ZFHX3: variants seen among roughly 807,000 people sequenced by gnomAD.
The protein encoded by ZFHX3 is zinc finger homeobox protein 3.
ZFHX3 carries 42 observed loss-of-function variants against 279.1 expected under a neutral mutation model. The observed-to-expected ratio is 0.15, with a 90% CI of 0.12 to 0.19. The LOEUF (loss-of-function observed/expected upper bound fraction) is 0.19. ZFHX3 is among the 10% of genes least tolerant of loss of function. ZFHX3 has a pLI of 1.00. For missense variants in ZFHX3, 4,981 were observed against 4,754.0 expected (o/e 1.05, Z -1.40); for synonymous variants, 2,293 against 1,957.8 (o/e 1.17, Z -4.52).
In ZFHX3 at chr16:73,706,651, G is replaced by A. The variant is rs1054650582; in HGVS notation, c.-1607-26411C>T. ...GCCTTCATGCCCCAGAAGATCTGAT[G>A]AACTAAACTTGCTGGTCCCATAACA... On this transcript the variant is annotated intron_variant, in intron 1 of 17. Transcript: ENST00000641206. Among the ~76,000 whole-genome samples the A allele has an allele frequency of 5.3e-5, 8 of 152,148 alleles. No homozygotes were observed. In the East Asian group the frequency reaches 1.2e-3, roughly 22 times the overall value.
chr16:72,819,388 T>C (rs2036713103), intron 5 of ZFHX3, among the ~76,000 whole-genome samples: 1 of 152,172 alleles, frequency 6.6e-6, no homozygotes, highest in Non-Finnish European at 1.5e-5. Context: ...CTCACGCTTG[T>C]CACTGAGATC....
intron 7 of ZFHX3, chr16:72,809,329 C>T (rs150063919): frequency 6.6e-6 from 1 of 152,192 alleles, no homozygotes; most frequent in Non-Finnish European, 1.5e-5. Flanking sequence ...CTCCCCACAT[C>T]TCTTTCTGTT....
intron 3 of ZFHX3, among the ~76,000 whole-genome samples, chr16:72,923,951 ATG>A (rs1959294923): frequency 6.6e-6 from 1 of 152,234 alleles, no homozygotes; most frequent in South Asian, 2.1e-4. Context: ...TACTCATTAC[ATG>A]TCAAAATAAT....
At chr16:73,181,306 G>A (rs1967790885) in intron 5 of ZFHX3, among the ~76,000 whole-genome samples, 1 of 151,760 alleles carries the variant, frequency 6.6e-6, no homozygotes, top group South Asian at 2.1e-4. Context: ...TCTCCATGTT[G>A]GTCTCCATCT....
At chr16:73,489,964 A>C (rs1203594776) in intron 2 of ZFHX3, among the ~76,000 whole-genome samples, 1 of 152,228 alleles carries the variant, frequency 6.6e-6, no homozygotes, top group African/African-American at 2.4e-5. Flanking sequence ...GTCTCCATTC[A>C]TGCTATATAA....
intron 1 of ZFHX3, among the ~76,000 whole-genome samples, chr16:73,721,690 A>C (rs1160934832): frequency 6.6e-6 from 1 of 152,210 alleles, no homozygotes; most frequent in African/African-American, 2.4e-5. Context: ...CCATGAGAAC[A>C]ATATCTCAAC....
At chr16:72,840,099 CAGAG>C (rs1479849303) in intron 4 of ZFHX3, among the ~76,000 whole-genome samples, 2 of 150,404 alleles carry the variant, frequency 1.3e-5, no homozygotes, top group Admixed American at 6.6e-5. Flanking sequence ...CTTGGCTTGT[CAGAG>C]AGAGATCTTA....
At chr16:73,362,594 C>G (rs781671536) in intron 3 of ZFHX3, among the ~76,000 whole-genome samples, 2 of 152,176 alleles carry the variant, frequency 1.3e-5, no homozygotes, top group African/African-American at 4.8e-5. Flanking sequence ...TCAGAACCAC[C>G]GATGAATTCA....
intron 4 of ZFHX3, among the ~76,000 whole-genome samples, chr16:72,832,967 A>G (rs1301043041): frequency 2.0e-5 from 3 of 152,280 alleles, no homozygotes; most frequent in Non-Finnish European, 4.4e-5. Flanking sequence ...CCAGGCTGAC[A>G]GTAACCGGAA....
chr16:73,274,895 C>A (rs186757861), intron 4 of ZFHX3, among the ~76,000 whole-genome samples: 1 of 152,172 alleles, frequency 6.6e-6, no homozygotes, highest in African/African-American at 2.4e-5. Context: ...GTGTATATTT[C>A]GGATAGATAC....
intron 3 of ZFHX3, among the ~76,000 whole-genome samples, chr16:73,336,236 A>G (rs967723984): frequency 9.9e-5 from 15 of 152,126 alleles, no homozygotes; most frequent in Admixed American, 8.5e-4. Context: ...GAATCTTCTT[A>G]TATTTTTAAC....
At chr16:72,832,760 G>C (rs544593528) in intron 4 of ZFHX3, among the ~76,000 whole-genome samples, 1 of 151,558 alleles carries the variant, frequency 6.6e-6, no homozygotes, top group Non-Finnish European at 1.5e-5. Flanking sequence ...GGCGAGGCCC[G>C]GAAGGGCAGC....
chr16:72,787,906 A>G lies in ZFHX3; in HGVS notation c.10370T>C (p.Ile3457Thr), dbSNP rs374911080. 6.2e-7 allele frequency: 1 copy of G among 1,613,958 alleles called. No homozygotes were observed. Among genetic ancestry groups the G allele is most frequent in the South Asian group, 1.1e-5 (1 of 91,070 alleles). The change falls in exon 10 of 10, where the codon ATT becomes ACT. Residue 3457 changes from isoleucine to threonine, a missense_variant. Physicochemically the swap from Ile to Thr is moderately conservative, Grantham distance 89. This residue lies in a region of ZFHX3 where 1,034 missense variants were observed against 786.0 expected (regional missense o/e 1.32). Coordinates refer to ENST00000268489, the MANE Select transcript of ZFHX3 (RefSeq NM_006885.4). The part of the protein sequence containing the change: ...KSADSLYDPF[I>T]VPKVQYKLVC... ...CAACTTGTACTGCACCTTTGGAACA[A>G]TGAAGGGGTCGTAGAGGGAGTCCGC...
In ZFHX3 at chr16:73,159,572, G is replaced by T. The variant is rs931248902; in HGVS notation, c.-1103-15741C>A. On this transcript the variant is annotated intron_variant, in intron 5 of 17. Coordinates refer to the ZFHX3 transcript ENST00000641206. ...GCCTACTCCAGGCCACCAAAGGGAG[G>T]CCATTCTTGTTTATCCATCTCGGTC... Among the ~76,000 whole-genome samples the T allele has an allele frequency of 2.0e-5, 3 of 152,240 alleles. No individual in the cohort carries two copies. The East Asian group carries it at 5.8e-4, about 29-fold the overall frequency.
At chr16:73,177,677 G>A (rs886581568) in intron 5 of ZFHX3, among the ~76,000 whole-genome samples, 7 of 152,214 alleles carry the variant, frequency 4.6e-5, no homozygotes, top group Non-Finnish European at 7.3e-5. Flanking sequence ...TTTTTGGGTA[G>A]TGGACTTGAA....
At chr16:73,022,529 C>T (rs1191813100) in intron 1 of ZFHX3, among the ~76,000 whole-genome samples, 1 of 152,204 alleles carries the variant, frequency 6.6e-6, no homozygotes, top group African/African-American at 2.4e-5. Context: ...CTGGCCTCTA[C>T]ACTGGATGCC....
intron 7 of ZFHX3, 53 bp downstream of exon 7, chr16:72,811,523 CA>C: frequency 1.4e-6 from 2 of 1,465,812 alleles, no homozygotes; most frequent in Non-Finnish European, 1.8e-6. Flanking sequence ...CATGTTACTG[CA>C]TCACCTTTGA....
chr16:73,396,952 C>T (rs899182699), intron 3 of ZFHX3, among the ~76,000 whole-genome samples: 4 of 152,322 alleles, frequency 2.6e-5, no homozygotes, highest in South Asian at 4.1e-4. Flanking sequence ...ACTACTTCTC[C>T]GCCCAGACCT....
At chr16:72,891,865 C>A (rs1333828135) in intron 3 of ZFHX3, among the ~76,000 whole-genome samples, 2 of 152,204 alleles carry the variant, frequency 1.3e-5, no homozygotes, top group African/African-American at 4.8e-5. Context: ...GAACTGCCCA[C>A]GTTGCTTGTC....
Sources: gnomAD v4.1 joint callset for allele counts (sites outside exome capture counted in the v4.1 genomes callset) on GRCh38, gnomAD v4.1.1 for gene constraint, gnomAD v4.1.1 regional missense constraint, MANE v1.5 for transcripts, NCBI Gene and HGNC (gene_info 2026-07-23, HGNC 2026-07-21) for gene names.